Variants in AGBL1 observed in about 807,000 individuals in gnomAD.
AGBL1 encodes AGBL carboxypeptidase 1, also known as cytosolic carboxypeptidase 4.
Under a neutral mutation model 118.9 loss-of-function variants are expected in AGBL1, and 130 were observed. That is an observed-to-expected ratio of 1.09 (90% confidence interval 0.95 to 1.26). AGBL1 has a LOEUF of 1.26. AGBL1 is among the 50% of genes most tolerant of loss of function. AGBL1 has a pLI of 0.00. For missense variants in AGBL1, 1,584 were observed against 1,298.1 expected (o/e 1.22, Z -3.38); for synonymous variants, 555 against 478.9 (o/e 1.16, Z -2.08).
intron 21 of AGBL1, among the ~76,000 whole-genome samples, chr15:86,587,230 T>C (rs1295585780): frequency 6.6e-6 from 1 of 152,168 alleles, no homozygotes; most frequent in Non-Finnish European, 1.5e-5. Context: ...GGATGAATAC[T>C]TTATCTAAAA....
chr15:86,561,592 C>T (rs988727632), intron 21 of AGBL1, among the ~76,000 whole-genome samples: 1 of 152,118 alleles, frequency 6.6e-6, no homozygotes, highest in African/African-American at 2.4e-5. Flanking sequence ...TAGTGTGATG[C>T]CTCCAGCTTC....
intron 22 of AGBL1, among the ~76,000 whole-genome samples, chr15:86,857,353 C>A (rs78852371): frequency 0.12 from 18,414 of 152,154 alleles, 1,441 homozygotes; most frequent in Non-Finnish European, 0.16. Context: ...TTTCTCATGG[C>A]CTGCGTCTCT....
chr15:86,750,013 T>C (rs1222690133), intron 22 of AGBL1, among the ~76,000 whole-genome samples: 4 of 152,162 alleles, frequency 2.6e-5, no homozygotes, highest in East Asian at 1.9e-4. Context: ...ATCAGGATGA[T>C]GCTGGCCTCA....
chr15:86,493,946 C>T (rs2082815347), intron 18 of AGBL1, among the ~76,000 whole-genome samples: 1 of 152,006 alleles, frequency 6.6e-6, no homozygotes. Context: ...CTTCCATTCT[C>T]CTTTCTTTTC....
chr15:86,206,303 A>G (rs949826712), intron 5 of AGBL1, among the ~76,000 whole-genome samples: 6 of 152,286 alleles, frequency 3.9e-5, no homozygotes, highest in Admixed American at 6.5e-5. Flanking sequence ...TAGTAGCATG[A>G]TTTATAATTC....
chr15:86,584,720 A>G (rs897134630), intron 21 of AGBL1, among the ~76,000 whole-genome samples: 3 of 152,132 alleles, frequency 2.0e-5, no homozygotes, highest in Non-Finnish European at 4.4e-5. Context: ...TCTGTGAAAA[A>G]TGATATTGGT....
chr15:86,852,817 C>G (rs749329977), intron 22 of AGBL1, among the ~76,000 whole-genome samples: 25 of 152,132 alleles, frequency 1.6e-4, no homozygotes, highest in Admixed American at 9.8e-4. Context: ...TTGCCTATTG[C>G]AAAGGTTTGA....
chr15:86,895,447 G>T (rs142406628), intron 22 of AGBL1, among the ~76,000 whole-genome samples: 1 of 149,022 alleles, frequency 6.7e-6, no homozygotes, highest in African/African-American at 2.5e-5. Context: ...CTTGAGCTCC[G>T]TTTTCTTCTT....
At chr15:86,584,811 T>C (rs997660372) in intron 21 of AGBL1, among the ~76,000 whole-genome samples, 2 of 152,158 alleles carry the variant, frequency 1.3e-5, no homozygotes, top group Non-Finnish European at 2.9e-5. Context: ...TTCCAATCCA[T>C]GAGTATGGAA....
At position 86,295,264 on chromosome 15, in the gene AGBL1, G is replaced by A. The variant is rs1039915362; in HGVS notation, c.2230G>A (p.Asp744Asn). The A allele has an allele frequency of 1.9e-6, 3 of 1,613,372 alleles. No homozygotes were observed. Among genetic ancestry groups the A allele is most frequent in the African/African-American group, 2.7e-5 (2 of 74,872 alleles). The change falls in exon 17 of 23, where the codon GAC becomes AAC. Residue 744 changes from aspartate to asparagine, a missense_variant. Physicochemically the swap from Asp to Asn is conservative, Grantham distance 23. Coordinates refer to ENST00000614907, the MANE Select transcript of AGBL1 (RefSeq NM_001386094.1). Reference protein sequence around the residue: ...YTYTALMTHLDILEKSVNLKE... With the variant: ...YTYTALMTHLNILEKSVNLKE... ...TTTATTTCTGCTCCAGACTCATCTT[G>A]ACATCCTGGAAAAGAGTGTCAACCT...
rs1310183124 is a variant in AGBL1, at chr15:86,912,120, A to G, written c.*4826A>G. ...AATCCCTCCGTTTTCCATCTCAAAG[A>G]AGAGTTTGTGTTATAGACAGGGAAA... is the stretch of plus-strand genomic sequence containing the variant. On this transcript the variant is annotated 3_prime_UTR_variant, in exon 23 of 23. Transcript: ENST00000614907. 1 of 152,108 alleles carries G rather than the reference A, an allele frequency of 6.6e-6. No homozygotes were observed. Among genetic ancestry groups the G allele is most frequent in the African/African-American group, 2.4e-5 (1 of 41,416 alleles). The allele number at this position is 152,108 out of a possible 1,614,324, so 9.4% of individuals were successfully genotyped here.
intron 22 of AGBL1, among the ~76,000 whole-genome samples, chr15:86,702,961 A>G (rs2086385963): frequency 6.6e-6 from 1 of 152,180 alleles, no homozygotes; most frequent in Non-Finnish European, 1.5e-5. Flanking sequence ...CCCCTGGGAC[A>G]CTTCAACTTT....
intron 23 of AGBL1, among the ~76,000 whole-genome samples, chr15:86,948,412 T>C (rs1043100075): frequency 6.6e-6 from 1 of 152,194 alleles, no homozygotes; most frequent in Non-Finnish European, 1.5e-5. Context: ...CAAGAATTGG[T>C]AAATTAGAAG....
intron 1 of AGBL1, among the ~76,000 whole-genome samples, chr15:86,125,329 T>G (rs184098170): frequency 6.6e-6 from 1 of 152,192 alleles, no homozygotes; most frequent in African/African-American, 2.4e-5. Flanking sequence ...AAGCCTTTCG[T>G]GACTAGACTT....
chr15:86,617,592 T>C (rs1200172359), intron 21 of AGBL1, among the ~76,000 whole-genome samples: 1 of 152,222 alleles, frequency 6.6e-6, no homozygotes, highest in Non-Finnish European at 1.5e-5. Context: ...AATATGGTAT[T>C]GTCAAAACTG....
At chr15:87,001,776 G>A (rs370665508) in intron 24 of AGBL1, among the ~76,000 whole-genome samples, 25 of 152,070 alleles carry the variant, frequency 1.6e-4, no homozygotes, top group Admixed American at 1.1e-3. Flanking sequence ...CATAAATGTC[G>A]TCTTTTGAGA....
Position 86,874,715 on chromosome 15 carries a change from A to T in AGBL1, c.3159-32372A>T, listed in dbSNP as rs186206657. Among the ~76,000 whole-genome samples, 941 of 152,302 alleles carry T rather than the reference A, an allele frequency of 6.2e-3. 3 individuals carry two copies. The highest frequency in any genetic ancestry group is 8.5e-3 in the Non-Finnish European group (579 of 68,028). ...GACCTGGGATTAACCTTTAGAACAGAATTTCTCAAATACTTTTAAATGTAA... is the reference window on the plus strand; with the variant it reads ...GACCTGGGATTAACCTTTAGAACAGTATTTCTCAAATACTTTTAAATGTAA... On this transcript the variant is annotated intron_variant, in intron 22 of 22. Coordinates refer to ENST00000614907, the MANE Select transcript of AGBL1 (RefSeq NM_001386094.1).
intron 21 of AGBL1, among the ~76,000 whole-genome samples, chr15:86,583,353 C>T (rs1420804721): frequency 6.6e-6 from 1 of 152,030 alleles, no homozygotes; most frequent in Non-Finnish European, 1.5e-5. Flanking sequence ...CCCTACCCCT[C>T]TCTCCAGTGT....
At chr15:86,274,136 G>T (rs145551786) in intron 15 of AGBL1, among the ~76,000 whole-genome samples, 1 of 151,938 alleles carries the variant, frequency 6.6e-6, no homozygotes, top group African/African-American at 2.4e-5. Flanking sequence ...TTTTAAATTA[G>T]GAAAAAAAGA....
Sources: allele counts gnomAD v4.1 joint callset (sites outside exome capture counted in the v4.1 genomes callset), GRCh38; gene constraint gnomAD v4.1.1; transcripts MANE v1.5; gene names NCBI Gene and HGNC (gene_info 2026-07-23, HGNC 2026-07-21).